Variants in UCHL3 observed in about 807,000 individuals in gnomAD.
UCHL3 encodes the protein ubiquitin C-terminal hydrolase L3.
A neutral mutation model predicts 35.8 loss-of-function variants in UCHL3; 22 were observed. That is an observed-to-expected ratio of 0.61 (90% CI 0.44 to 0.88). UCHL3 has a LOEUF of 0.88. Ranked by LOEUF, UCHL3 falls within the 40% of genes least tolerant of loss-of-function variation. UCHL3 has a pLI of 0.00. For synonymous variants in UCHL3, 90 were observed against 92.8 expected (o/e 0.97, Z 0.17); for missense variants, 229 against 276.9 (o/e 0.83, Z 1.23).
At chr13:75,557,185 C>T (rs2031320917) in intron 2 of UCHL3, among the ~76,000 whole-genome samples, 1 of 151,632 alleles carries the variant, frequency 6.6e-6, no homozygotes, top group Admixed American at 6.6e-5. Flanking sequence ...CACTGCACTC[C>T]AGCCTGGGCA....
chr13:75,598,246 A>C (rs550348629), intron 7 of UCHL3, among the ~76,000 whole-genome samples: 1 of 152,330 alleles, frequency 6.6e-6, no homozygotes, highest in African/African-American at 2.4e-5. Flanking sequence ...CATATTTCTG[A>C]GCCATTTGAA....
In UCHL3 at chr13:75,566,839, A is replaced by G; in HGVS notation, c.328A>G (p.Lys110Glu). 1 of 1,590,028 alleles carries G rather than the reference A, an allele frequency of 6.3e-7. No homozygotes were observed. Reference sequence around the variant, plus strand: ...TCATGCTATTGCAAACAATAAAGACAAGATGCACTTTGGTAAATGATTTTT... The same window carrying G: ...TCATGCTATTGCAAACAATAAAGACGAGATGCACTTTGGTAAATGATTTTT... The part of the protein sequence containing the change: ...LIHAIANNKD[K>E]MHFESGSTLK... The change falls in exon 4 of 9, where the codon AAG (lysine) becomes GAG (glutamate). Residue 110 changes from lysine to glutamate, a missense_variant. Physicochemically the swap from Lys to Glu is moderately conservative, Grantham distance 56 (BLOSUM62 1). Coordinates refer to ENST00000377595, the MANE Select transcript of UCHL3 (RefSeq NM_006002.5).
chr13:75,594,929 T>A lies in UCHL3; in HGVS notation c.489T>A (p.Asp163Glu), dbSNP rs2032605857. 1.2e-6 allele frequency: 2 copies of A among 1,607,098 alleles called. No individual in the cohort carries two copies. Among genetic ancestry groups the A allele is most frequent in the Non-Finnish European group, 1.7e-6 (2 of 1,178,360 alleles). The change falls in exon 7 of 9, where the codon GAT (aspartate) becomes GAA (glutamate). Residue 163 changes from aspartate to glutamate, a missense_variant. By Grantham distance (45) the Asp-to-Glu change is conservative. Transcript: ENST00000377595. ...TCCTATTCCAGGCACCAAGTATAGA[T>A]GAGAAAGTAGATCTTCATTTTATTG... ...HEGQTEAPSI[D>E]EKVDLHFIAL...
intron 7 of UCHL3, among the ~76,000 whole-genome samples, chr13:75,597,042 A>G (rs995120004): frequency 2.1e-4 from 32 of 152,232 alleles, no homozygotes; most frequent in Admixed American, 1.9e-3. Context: ...AATAGCCATA[A>G]TCTTTGAGAT....
intron 6 of UCHL3, chr13:75,590,283 CT>C: frequency 1.0e-6 from 1 of 972,494 alleles, no homozygotes; most frequent in Non-Finnish European, 1.2e-6. Flanking sequence ...TATCTCTATG[CT>C]TTGCATTCTA....
At chr13:75,578,767 A>G (rs1306247841) in intron 6 of UCHL3, among the ~76,000 whole-genome samples, 1 of 152,130 alleles carries the variant, frequency 6.6e-6, no homozygotes, top group Non-Finnish European at 1.5e-5. Context: ...CCTATAAAAG[A>G]GGGATTATTT....
rs8192743 is a variant in UCHL3, at chr13:75,561,541, A to AAT, written c.183+674_183+675dup. Among the ~76,000 whole-genome samples the AAT allele has an allele frequency of 3.3e-3, 495 of 150,382 alleles. 1 individual carries two copies. The highest frequency in any genetic ancestry group is 3.5e-3 in the Non-Finnish European group (236 of 67,548). On this transcript the variant is annotated intron_variant, in intron 3 of 8. Coordinates refer to ENST00000377595, the MANE Select transcript of UCHL3 (RefSeq NM_006002.5). Reference sequence around the variant, plus strand: ...GAATAAACTTAAATACAGTTTTTTCAATATATATATATATAAGGAATCTTC... The same window carrying AAT: ...GAATAAACTTAAATACAGTTTTTTCAATATATATATATATATAAGGAATCTTC...
At chr13:75,576,646 T>A (rs2032033990) in intron 6 of UCHL3, among the ~76,000 whole-genome samples, 1 of 152,192 alleles carries the variant, frequency 6.6e-6, no homozygotes, top group Admixed American at 6.5e-5. Flanking sequence ...GAGCCACCGC[T>A]CCTGGCCCTG....
intron 6 of UCHL3, among the ~76,000 whole-genome samples, chr13:75,577,193 T>C (rs1406531132): frequency 1.3e-5 from 2 of 152,066 alleles, no homozygotes; most frequent in Admixed American, 1.3e-4. Context: ...AAGACTGCAG[T>C]GAGCTGTGAT....
At chr13:75,574,428 C>T (rs193114578) in intron 6 of UCHL3, among the ~76,000 whole-genome samples, 43 of 152,112 alleles carry the variant, frequency 2.8e-4, no homozygotes, top group African/African-American at 9.6e-4. Flanking sequence ...TTGTCTTGTT[C>T]GCTTTGAATC....
At chr13:75,566,637 T>A in intron 3 of UCHL3, 58 bp from the exon 4 acceptor site, 3 of 1,113,212 alleles carry the variant, frequency 2.7e-6, no homozygotes, top group Non-Finnish European at 2.4e-6. Context: ...TTTTACAGAC[T>A]GAGTTTTTTA....
chr13:75,597,749 A>G (rs2032681485), intron 7 of UCHL3, among the ~76,000 whole-genome samples: 1 of 152,148 alleles, frequency 6.6e-6, no homozygotes, highest in African/African-American at 2.4e-5. Flanking sequence ...GATGACTGTA[A>G]CTTTATTTTT....
At chr13:75,586,946 A>G (rs2032339431) in intron 6 of UCHL3, among the ~76,000 whole-genome samples, 1 of 148,660 alleles carries the variant, frequency 6.7e-6, no homozygotes. Context: ...GGGAAACTAT[A>G]GTATTACATG....
intron 2 of UCHL3, among the ~76,000 whole-genome samples, chr13:75,558,696 C>T (rs930609786): frequency 2.6e-5 from 4 of 152,132 alleles, no homozygotes; most frequent in African/African-American, 7.2e-5. Flanking sequence ...TATAGACATA[C>T]AGATGGCTAG....
intron 6 of UCHL3, among the ~76,000 whole-genome samples, chr13:75,590,939 G>A (rs1216074856): frequency 2.0e-5 from 3 of 152,156 alleles, no homozygotes; most frequent in African/African-American, 7.2e-5. Flanking sequence ...AGCAACTACA[G>A]CTCTTGTCTT....
In UCHL3 at chr13:75,564,447, G is replaced by C. The variant is rs986111883; in HGVS notation, c.184-2248G>C. Among the ~76,000 whole-genome samples, 12 of 152,066 alleles carry C rather than the reference G, an allele frequency of 7.9e-5. 1 individual carries two copies. The highest frequency in any genetic ancestry group is 2.9e-4 in the African/African-American group (12 of 41,396). On this transcript the variant is annotated intron_variant, in intron 3 of 8. Transcript: ENST00000377595. ...TTACAGGTGTGAGCCACTACGCCTG[G>C]CCTAAAGTGCAGATATCTTTACAAG...
At chr13:75,594,787 A>T in intron 6 of UCHL3, 128 bp from the exon 7 acceptor site, 2 of 728,614 alleles carry the variant, frequency 2.7e-6, no homozygotes, top group Non-Finnish European at 4.5e-6. Context: ...ACCAAACATT[A>T]AGCCTTGAAT....
At chr13:75,562,553 C>T (rs554209223) in intron 3 of UCHL3, among the ~76,000 whole-genome samples, 1 of 152,000 alleles carries the variant, frequency 6.6e-6, no homozygotes, top group African/African-American at 2.4e-5. Context: ...AATCAGTTGC[C>T]TAAAGCTTAG....
chr13:75,603,262 C>T lies in UCHL3; in HGVS notation c.551-1507C>T, dbSNP rs904740197. On this transcript the variant is annotated intron_variant, in intron 7 of 8. Transcript: ENST00000377595. ...AAATTACAGGTGTGAGCCACCACACCCAGCCATAACTGAGTTTATTAGCTC... is the reference window on the plus strand; with the variant it reads ...AAATTACAGGTGTGAGCCACCACACTCAGCCATAACTGAGTTTATTAGCTC... Among the ~76,000 whole-genome samples, 10 of 151,898 alleles carry T rather than the reference C, an allele frequency of 6.6e-5. No homozygotes were observed. The East Asian group carries it at 1.2e-3, about 18-fold the overall frequency.
Sources: allele counts gnomAD v4.1 joint callset (sites outside exome capture counted in the v4.1 genomes callset), GRCh38; gene constraint gnomAD v4.1.1; transcripts MANE v1.5; gene names NCBI Gene and HGNC (gene_info 2026-07-23, HGNC 2026-07-21).